Variants in RELN observed in about 807,000 individuals in gnomAD.
The protein encoded by RELN is reelin.
Under a neutral mutation model 427.6 loss-of-function variants are expected in RELN, and 108 were observed. The observed-to-expected ratio is 0.25, with a 90% CI of 0.22 to 0.30. The LOEUF is 0.30. Ranked by LOEUF, RELN falls within the 10% of genes least tolerant of loss-of-function variation. The pLI is 1.00. For missense variants in RELN, 3,715 were observed against 4,302.8 expected (o/e 0.86, Z 3.82); for synonymous variants, 1,524 against 1,513.4 (o/e 1.01, Z -0.16).
intron 2 of RELN, among the ~76,000 whole-genome samples, chr7:103,857,378 C>T (rs1025801323): frequency 6.6e-6 from 1 of 152,262 alleles, no homozygotes; most frequent in East Asian, 1.9e-4. Flanking sequence ...AAAAGCTCAC[C>T]CATAGTCTCC....
At chr7:103,677,631 C>T (rs778703537) in intron 11 of RELN, among the ~76,000 whole-genome samples, 11 of 150,044 alleles carry the variant, frequency 7.3e-5, no homozygotes, top group South Asian at 2.1e-4. Flanking sequence ...CTGGGCGTGG[C>T]GGTACGTGCC....
chr7:103,501,477 ATTT>A (rs1161882292), intron 52 of RELN, among the ~76,000 whole-genome samples: 1 of 152,166 alleles, frequency 6.6e-6, no homozygotes, highest in African/African-American at 2.4e-5. Flanking sequence ...TGAGATTTTA[ATTT>A]CATCTTTGTT....
intron 61 of RELN, chr7:103,484,061 G>A: frequency 1.8e-6 from 1 of 560,390 alleles, no homozygotes; most frequent in East Asian, 3.1e-5. Context: ...TGTATTTTTA[G>A]TATAGACGGG....
At position 103,515,447 on chromosome 7, in the gene RELN, G is replaced by A. The variant is rs778281268; in HGVS notation, c.7863-6C>T. 6.2e-6 allele frequency: 10 copies of A among 1,613,906 alleles called. No individual in the cohort carries two copies. The highest frequency in any genetic ancestry group is 2.2e-5 in the East Asian group (1 of 44,872). ...GGAGAAGGATATTCACAAATCTATA[G>A]GAAAATGATGGGGAAGGGTGTGGGG... On this transcript the variant is annotated splice_polypyrimidine_tract_variant and splice_region_variant and intron_variant, in intron 49 of 64. Coordinates refer to ENST00000428762, the MANE Select transcript of RELN (RefSeq NM_005045.4).
chr7:103,619,376 C>A (rs1181738035), intron 20 of RELN, among the ~76,000 whole-genome samples: 1 of 152,152 alleles, frequency 6.6e-6, no homozygotes, highest in African/African-American at 2.4e-5. Context: ...TCAGAAGCCA[C>A]AGAGAGCAGC....
chr7:103,930,888 G>A (rs1044606948), intron 1 of RELN, among the ~76,000 whole-genome samples: 1 of 151,134 alleles, frequency 6.6e-6, no homozygotes, highest in Admixed American at 6.6e-5. Context: ...GTGTGTGTGT[G>A]TGTGTGTGTG....
At chr7:103,680,135 A>G (rs1033552750) in intron 11 of RELN, among the ~76,000 whole-genome samples, 7 of 152,148 alleles carry the variant, frequency 4.6e-5, no homozygotes, top group Admixed American at 1.3e-4. Context: ...AGCAAGTTAC[A>G]TTTAAAACAT....
chr7:103,577,255 T>C lies in RELN; in HGVS notation c.4146-1550A>G, dbSNP rs80239087. On this transcript the variant is annotated intron_variant, in intron 28 of 64. Transcript: ENST00000428762. ...ATCAGAATGGATTTCTTTTTGGCTC[T>C]TCAAGTGGCTTTGGAAATTTGGCAG... Among the ~76,000 whole-genome samples, 403 of 152,346 alleles carry C rather than the reference T, an allele frequency of 2.6e-3. 2 individuals carry two copies. The highest frequency in any genetic ancestry group is 8.8e-3 in the African/African-American group (367 of 41,584).
intron 2 of RELN, among the ~76,000 whole-genome samples, chr7:103,900,376 G>A (rs1277970310): frequency 1.3e-5 from 2 of 152,030 alleles, no homozygotes; most frequent in African/African-American, 4.8e-5. Context: ...ACTGCCCAAA[G>A]TAATTTATAG....
At chr7:103,982,791 T>C (rs966325343) in intron 1 of RELN, among the ~76,000 whole-genome samples, 9 of 152,170 alleles carry the variant, frequency 5.9e-5, no homozygotes, top group African/African-American at 1.7e-4. Context: ...GTGCTATCTA[T>C]AACATGTCAC....
intron 25 of RELN, among the ~76,000 whole-genome samples, chr7:103,595,171 A>G (rs1343230969): frequency 6.6e-6 from 1 of 152,210 alleles, no homozygotes; most frequent in Non-Finnish European, 1.5e-5. Flanking sequence ...TTATTTACTT[A>G]TAGAGTTACC....
intron 2 of RELN, among the ~76,000 whole-genome samples, chr7:103,848,185 A>C (rs960913359): frequency 6.6e-6 from 1 of 152,172 alleles, no homozygotes; most frequent in East Asian, 1.9e-4. Flanking sequence ...CTAGGGTTTC[A>C]TGCTCAGCGT....
chr7:103,739,509 C>T (rs1224550186), intron 6 of RELN, among the ~76,000 whole-genome samples: 1 of 152,148 alleles, frequency 6.6e-6, no homozygotes, highest in African/African-American at 2.4e-5. Context: ...TTCATTTGTG[C>T]TCTCCCTCAC....
chr7:103,520,751 A>C (rs1396630489), intron 48 of RELN, among the ~76,000 whole-genome samples: 1 of 152,054 alleles, frequency 6.6e-6, no homozygotes, highest in African/African-American at 2.4e-5. Flanking sequence ...CATATGTGAA[A>C]AACTCACTTT....
intron 10 of RELN, among the ~76,000 whole-genome samples, chr7:103,694,254 C>T (rs1001853135): frequency 5.3e-5 from 8 of 152,114 alleles, no homozygotes; most frequent in Non-Finnish European, 8.8e-5. Flanking sequence ...TCAAGAAGCA[C>T]GTCAGTTACT....
intron 22 of RELN, among the ~76,000 whole-genome samples, chr7:103,608,548 A>C (rs1312091641): frequency 6.6e-6 from 1 of 152,194 alleles, no homozygotes; most frequent in Admixed American, 6.5e-5. Context: ...ACTATTTATT[A>C]AAAGAGATAC....
At chr7:103,676,232 T>C (rs1453276515) in intron 11 of RELN, among the ~76,000 whole-genome samples, 3 of 152,084 alleles carry the variant, frequency 2.0e-5, no homozygotes, top group South Asian at 2.1e-4. Context: ...GGGCAAAGGC[T>C]ATGAACAGAC....
At chr7:103,881,515 G>A (rs1170116529) in intron 2 of RELN, among the ~76,000 whole-genome samples, 2 of 151,998 alleles carry the variant, frequency 1.3e-5, no homozygotes, top group African/African-American at 4.8e-5. Context: ...GCCCCTTTAT[G>A]TCATTGACCT....
At position 103,692,760 on chromosome 7, in the gene RELN, C is replaced by G. The variant is rs192487471; in HGVS notation, c.1143+5093G>C. 2.6e-5 allele frequency among the ~76,000 whole-genome samples: 4 copies of G among 152,072 alleles called. No homozygotes were observed. The East Asian group carries it at 7.8e-4, about 30-fold the overall frequency. On this transcript the variant is annotated intron_variant, in intron 10 of 64. Transcript: ENST00000428762. ...AGCTGCCACAGCAAATTTGAATGACCAGTGGAAAAAGAGTGGCATTTTTTT... is the reference window on the plus strand; with the variant it reads ...AGCTGCCACAGCAAATTTGAATGACGAGTGGAAAAAGAGTGGCATTTTTTT...
Sources: allele counts gnomAD v4.1 joint callset (sites outside exome capture counted in the v4.1 genomes callset), GRCh38; gene constraint gnomAD v4.1.1; transcripts MANE v1.5; gene names NCBI Gene and HGNC (gene_info 2026-07-23, HGNC 2026-07-21).